Variants in PABPC4 observed in about 807,000 individuals in gnomAD.
PABPC4 encodes poly(A) binding protein cytoplasmic 4.
A neutral mutation model predicts 74.5 loss-of-function variants in PABPC4; 15 were observed. The ratio of observed to expected loss-of-function variants is 0.20; its 90% CI spans 0.13 to 0.31. PABPC4 has a LOEUF of 0.31. PABPC4 is among the 10% of genes least tolerant of loss of function. PABPC4 has a pLI of 1.00. For synonymous variants in PABPC4, 345 were observed against 303.0 expected (o/e 1.14, Z -1.44); for missense variants, 610 against 853.5 (o/e 0.71, Z 3.55).
At chr1:39,572,062 T>C (rs1645949996) in intron 2 of PABPC4, among the ~76,000 whole-genome samples, 1 of 152,348 alleles carries the variant, frequency 6.6e-6, no homozygotes, top group Non-Finnish European at 1.5e-5. Context: ...AGTGAATTTA[T>C]GCTTCTAAAG....
intron 2 of PABPC4, chr1:39,571,659 C>G (rs1645941822): frequency 2.0e-6 from 1 of 505,594 alleles, no homozygotes; most frequent in Non-Finnish European, 3.8e-6. Context: ...GAGGCCAAAG[C>G]AGGAGGATCG....
At position 39,569,872 on chromosome 1, in the gene PABPC4, T is replaced by C; in HGVS notation, c.634A>G (p.Ser212Gly). ...AGGAACCCCAACTTACCAAACTGAC[T>C]GAATAGCTCTTTCAGACTCTCATCA... The part of the protein sequence containing the change: ...VDDESLKELF[S>G]QFGKTLSVKV... The change falls in exon 4 of 16, where the codon AGT becomes GGT. Residue 212 changes from serine to glycine, a missense_variant. This residue lies in a region of PABPC4 where 304 missense variants were observed against 478.9 expected (regional missense o/e 0.63). Transcript: ENST00000372858. The C allele has an allele frequency of 6.2e-7, 1 of 1,613,952 alleles. No homozygotes were observed. Among genetic ancestry groups the C allele is most frequent in the South Asian group, 1.1e-5 (1 of 91,078 alleles).
At chr1:39,565,956 A>G (rs1645832512) in intron 7 of PABPC4, among the ~76,000 whole-genome samples, 1 of 152,214 alleles carries the variant, frequency 6.6e-6, no homozygotes, top group Non-Finnish European at 1.5e-5. Flanking sequence ...GGAACTATTC[A>G]GAAGAACCAG....
intron 5 of PABPC4, 77 bp downstream of exon 5, chr1:39,569,518 G>A (rs897264456): frequency 1.2e-5 from 12 of 968,232 alleles, no homozygotes; most frequent in Non-Finnish European, 1.9e-5. Flanking sequence ...CCAGCTCTAG[G>A]TAGGTGCTAG....
Position 39,568,965 on chromosome 1 carries a change from AAT to A in PABPC4, c.739-28_739-27del, listed in dbSNP as rs575747033. Reference sequence around the variant, plus strand: ...CTAGAGAGGAAAAATATGTCTTTAAAATAAAGTTGCAGCGATGGGGTCTTATT... The same window carrying A: ...CTAGAGAGGAAAAATATGTCTTTAAAAAAGTTGCAGCGATGGGGTCTTATT... On this transcript the variant is annotated intron_variant, in intron 5 of 15. Transcript: ENST00000372858. 117 of 1,598,338 alleles carry A rather than the reference AAT, an allele frequency of 7.3e-5. 1 individual carries two copies. In the East Asian group the frequency reaches 2.3e-3, roughly 31 times the overall value.
intron 3 of PABPC4, chr1:39,570,373 T>C (rs1460679105): frequency 2.0e-5 from 4 of 196,618 alleles, no homozygotes; most frequent in Non-Finnish European, 3.1e-5. Context: ...AGATATGAGA[T>C]TGTTGGAGTG....
At chr1:39,569,261 G>A (rs1000820493) in intron 5 of PABPC4, among the ~76,000 whole-genome samples, 1 of 152,198 alleles carries the variant, frequency 6.6e-6, no homozygotes, top group African/African-American at 2.4e-5. Context: ...AATATTGAGG[G>A]TCTGGCACAA....
intron 1 of PABPC4, among the ~76,000 whole-genome samples, chr1:39,574,303 A>C (rs1645984349): frequency 6.6e-6 from 1 of 152,186 alleles, no homozygotes; most frequent in Non-Finnish European, 1.5e-5. Context: ...AAACTATTTC[A>C]TTAATTAGCA....
In PABPC4 at chr1:39,568,911, A is replaced by C. The variant is rs755322371; in HGVS notation, c.767T>G (p.Ile256Arg). ...KAVEEMNGKEISGKIIFVGRA... is the reference protein window; with the variant it reads ...KAVEEMNGKERSGKIIFVGRA... Reference sequence around the variant, plus strand: ...GCCTACAAATATGATTTTACCACTTATTTCTTTTCCATTCATCTCTTCCAC... The same window carrying C: ...GCCTACAAATATGATTTTACCACTTCTTTCTTTTCCATTCATCTCTTCCAC... The change falls in exon 6 of 16, where the codon ATA becomes AGA. Residue 256 changes from isoleucine (I) to arginine (R), a missense_variant. Physicochemically the swap from Ile to Arg is moderately conservative, Grantham distance 97. This residue lies in a region of PABPC4 where 304 missense variants were observed against 478.9 expected (regional missense o/e 0.63). Coordinates refer to ENST00000372858, the MANE Select transcript of PABPC4 (RefSeq NM_001135653.2). 6.2e-6 allele frequency: 10 copies of C among 1,613,766 alleles called. No homozygotes were observed. Among genetic ancestry groups the C allele is most frequent in the Non-Finnish European group, 7.6e-6 (9 of 1,179,922 alleles).
chr1:39,563,587 T>G, intron 12 of PABPC4, 27 bp downstream of exon 12: 1 of 1,602,104 alleles, frequency 6.2e-7, no homozygotes, highest in Non-Finnish European at 8.5e-7. Context: ...GGAAATCCTT[T>G]TAAGCATTCT....
intron 1 of PABPC4, among the ~76,000 whole-genome samples, 155 bp downstream of exon 1, chr1:39,575,604 G>C (rs574064795): frequency 2.2e-4 from 34 of 152,286 alleles, no homozygotes; most frequent in African/African-American, 8.2e-4. Flanking sequence ...GTCATCTGAT[G>C]CCAGGTCCGC....
chr1:39,565,868 ACAC>A (rs1181974503), intron 7 of PABPC4, among the ~76,000 whole-genome samples: 2 of 144,842 alleles, frequency 1.4e-5, no homozygotes, highest in Non-Finnish European at 3.0e-5. Context: ...CAAAACAAAA[ACAC>A]CAACCAACCA....
Position 39,569,609 on chromosome 1 carries a change from C to T in PABPC4, c.724G>A (p.Glu242Lys), listed in dbSNP as rs191572488. Reference sequence around the variant, plus strand: ...GGTATACTCACCTTATTGGCATCCTCGTGTTTTTCGTAACTCACAAAGCCA... The same window carrying T: ...GGTATACTCACCTTATTGGCATCCTTGTGTTTTTCGTAACTCACAAAGCCA... ...GFGFVSYEKH[E>K]DANKAVEEMN... The change falls in exon 5 of 16, where the codon GAG becomes AAG. Residue 242 changes from glutamate to lysine, a missense_variant. Coordinates refer to ENST00000372858, the MANE Select transcript of PABPC4 (RefSeq NM_001135653.2). 69 of 1,613,644 alleles carry T rather than the reference C, an allele frequency of 4.3e-5. No individual in the cohort carries two copies. Among genetic ancestry groups the T allele is most frequent in the African/African-American group, 5.3e-5 (4 of 75,032 alleles).
Position 39,560,929 on chromosome 1 carries a change from C to G in PABPC4, c.*207G>C. The G allele has an allele frequency of 3.9e-6, 1 of 257,438 alleles. No individual in the cohort carries two copies. Among genetic ancestry groups the G allele is most frequent in the Admixed American group, 4.4e-5 (1 of 22,960 alleles). 15.9% of individuals were successfully genotyped at this position (257,438 alleles called of 1,614,324 possible). A position where few individuals can be genotyped will look rare whatever the true frequency, so the allele number is the denominator to read the frequency against. On this transcript the variant is annotated 3_prime_UTR_variant, in exon 16 of 16. Transcript: ENST00000372858. ...ACAATAAAAAAAAAGTTAACACTGT[C>G]TGGGCCACAGCAGAACCCAAAGAAC...
intron 12 of PABPC4, 58 bp downstream of exon 12, chr1:39,563,556 T>C: frequency 6.3e-7 from 1 of 1,581,180 alleles, no homozygotes. Context: ...CACAGCTTCT[T>C]TTACATCAAG....
At position 39,572,617 on chromosome 1, in the gene PABPC4, G is replaced by A. The variant is rs759015053; in HGVS notation, c.194-31C>T. On this transcript the variant is annotated intron_variant, in intron 1 of 15. Coordinates refer to ENST00000372858, the MANE Select transcript of PABPC4 (RefSeq NM_001135653.2). The stretch of plus-strand genomic sequence containing the variant: ...AGAGAGAAACACATTTCAATAAGGA[G>A]AGAAAACGTCAGCTCCCACAGGCCA... 1.8e-5 allele frequency: 29 copies of A among 1,578,612 alleles called. No homozygotes were observed. In the Middle Eastern group the frequency reaches 1.3e-3, roughly 72 times the overall value.
intron 7 of PABPC4, among the ~76,000 whole-genome samples, chr1:39,566,921 C>A (rs1311753955): frequency 6.6e-6 from 1 of 152,340 alleles, no homozygotes; most frequent in East Asian, 1.9e-4. Context: ...TTGCTTTCCA[C>A]ATTCCCAGGT....
At position 39,575,970 on chromosome 1, in the gene PABPC4, C is replaced by A. The variant is rs1646020000; in HGVS notation, c.-19G>T. On this transcript the variant is annotated 5_prime_UTR_variant, in exon 1 of 16. Coordinates refer to ENST00000372858, the MANE Select transcript of PABPC4 (RefSeq NM_001135653.2). ...CGTTCATCTCCCCGCCCCCCACCAC[C>A]CCGAGCCCCGCCAGGAGGACTTCTT... 6.8e-7 allele frequency: 1 copy of A among 1,478,598 alleles called. No homozygotes were observed. The highest frequency in any genetic ancestry group is 1.4e-5 in the African/African-American group (1 of 70,500). The allele number at this position is 1,478,598 out of a possible 1,614,324, so 91.6% of individuals were successfully genotyped here.
In PABPC4 at chr1:39,569,043, T is replaced by G. The variant is rs550185093; in HGVS notation, c.739-104A>C. 1.8e-4 allele frequency: 220 copies of G among 1,205,056 alleles called. No homozygotes were observed. In the Middle Eastern group the frequency reaches 2.6e-3, roughly 14 times the overall value. 74.6% of individuals were successfully genotyped at this position (1,205,056 alleles called of 1,614,324 possible). A position where few individuals can be genotyped will look rare whatever the true frequency, so the allele number is the denominator to read the frequency against. ...TTCTTTCTACTATAGGACTAAAAAC[T>G]AAATTCACTCCACCTCTGAAGTCTG... On this transcript the variant is annotated intron_variant, in intron 5 of 15. Coordinates refer to ENST00000372858, the MANE Select transcript of PABPC4 (RefSeq NM_001135653.2).
Sources: allele counts gnomAD v4.1 joint callset (sites outside exome capture counted in the v4.1 genomes callset), GRCh38; gene constraint gnomAD v4.1.1; regional missense constraint gnomAD v4.1.1; transcripts MANE v1.5; gene names NCBI Gene and HGNC (gene_info 2026-07-23, HGNC 2026-07-21).